ARAP1: variants seen among roughly 807,000 people sequenced by gnomAD.
ARAP1 encodes the protein ArfGAP with RhoGAP domain, ankyrin repeat and PH domain 1.
ARAP1 carries 76 observed loss-of-function variants against 172.2 expected under a neutral mutation model. That is an observed-to-expected ratio of 0.44 (90% CI 0.37 to 0.53). ARAP1 has a LOEUF of 0.53. Among genes scored for constraint, ARAP1 ranks in the 20% least tolerant of loss-of-function variants. The pLI is 0.00. For synonymous variants in ARAP1, 804 were observed against 803.3 expected, an observed-to-expected ratio of 1.00 and a Z score of -0.01; for missense variants, 1,686 against 1,977.5, an observed-to-expected ratio of 0.85 and a Z score of 2.80.
intron 34 of ARAP1, 140 bp from the exon 35 acceptor site, chr11:72,685,821 G>A (rs1253352841): frequency 1.5e-6 from 2 of 1,377,786 alleles, no homozygotes; most frequent in African/African-American, 2.9e-5. Flanking sequence ...CCAGCTCCCA[G>A]GGCCAGGCAG....
At chr11:72,701,575 C>A in intron 16 of ARAP1, 74 bp downstream of exon 16, 1 of 1,545,468 alleles carries the variant, frequency 6.5e-7, no homozygotes, top group Non-Finnish European at 8.7e-7. Context: ...CCAGTCTGGC[C>A]AGCCCTGGCT....
chr11:72,697,716 T>C (rs1221699987), intron 19 of ARAP1, 67 bp from the exon 20 acceptor site: 2 of 1,595,962 alleles, frequency 1.3e-6, no homozygotes, highest in African/African-American at 2.7e-5. Context: ...TCCCTCCCTC[T>C]GTGAGCACAC....
rs1855780268 is a variant in ARAP1 at position 72,688,351 on chromosome 11, T to C, written c.4070+104A>G. 4 of 1,013,056 alleles carry C rather than the reference T, an allele frequency of 3.9e-6. No homozygotes were observed. The Admixed American group carries it at 8.5e-5, about 21-fold the overall frequency. The allele number at this position is 1,013,056 out of a possible 1,614,324, so 62.8% of individuals were successfully genotyped here. On this transcript the variant is annotated intron_variant, in intron 31 of 34. Transcript: ENST00000393609. ...CTGGAGACCACACCATCAGAGCCCC[T>C]GCACCTATCTCTGTCAAATTAAAAA...
intron 2 of ARAP1, among the ~76,000 whole-genome samples, 185 bp from the exon 3 acceptor site, chr11:72,727,357 C>A (rs144326512): frequency 6.6e-6 from 1 of 152,188 alleles, no homozygotes. Context: ...CTCTTCTCTC[C>A]GCCTGAACCC....
At chr11:72,694,536 G>A (rs1856089984) in intron 27 of ARAP1, among the ~76,000 whole-genome samples, 1 of 152,062 alleles carries the variant, frequency 6.6e-6, no homozygotes, top group Non-Finnish European at 1.5e-5. Flanking sequence ...CTCCACAGCA[G>A]TTAATGCATC....
At chr11:72,688,874 T>G (rs1334579587) in intron 30 of ARAP1, 1 of 274,096 alleles carries the variant, frequency 3.6e-6, no homozygotes, top group Admixed American at 4.8e-5. Context: ...AGTATCACCC[T>G]GAATCAGATT....
At chr11:72,702,755 ACT>A (rs1362859136) in intron 15 of ARAP1, 148 bp downstream of exon 15, 2 of 947,352 alleles carry the variant, frequency 2.1e-6, no homozygotes, top group African/African-American at 3.3e-5. Context: ...ACAAATACAC[ACT>A]GACATGCAAA....
intron 27 of ARAP1, among the ~76,000 whole-genome samples, chr11:72,694,093 C>T (rs1163315357): frequency 1.4e-5 from 2 of 141,942 alleles, no homozygotes; most frequent in Non-Finnish European, 3.1e-5. Context: ...CAGGGAAACA[C>T]CACCACCACC....
At chr11:72,707,844 T>TG (rs1260696217) in intron 11 of ARAP1, among the ~76,000 whole-genome samples, 1 of 151,820 alleles carries the variant, frequency 6.6e-6, no homozygotes, top group Non-Finnish European at 1.5e-5. Flanking sequence ...CTGAGGACAA[T>TG]GGAGAACCCA....
At position 72,698,053 on chromosome 11, in the gene ARAP1, C is replaced by G. The variant is rs1466568492; in HGVS notation, c.2595G>C (p.Leu865=). 2.5e-6 allele frequency: 4 copies of G among 1,607,502 alleles called. No homozygotes were observed. In the South Asian group the frequency reaches 3.3e-5, roughly 13 times the overall value. The stretch of plus-strand genomic sequence containing the variant: ...GGCCAGCTTTGTAGGGTAGGCGTCC[C>G]AGCCGCTCAAAATCCCGGGCCAGCA... The part of the protein sequence containing the change: ...EDLLARDFER[L]GRLPYKAGLS... Residue 865 remains leucine (L), a synonymous_variant, in exon 19 of 35, where the codon CTG becomes CTC. Transcript: ENST00000393609.
chr11:72,744,370 G>A (rs1032034938), intron 1 of ARAP1, among the ~76,000 whole-genome samples: 9 of 152,134 alleles, frequency 5.9e-5, no homozygotes, highest in Admixed American at 3.3e-4. Flanking sequence ...CCAAAGTGTG[G>A]CCAGAACCCA....
rs1262317922 is a variant in ARAP1 at position 72,699,433 on chromosome 11, G to C, written c.2422C>G (p.Pro808Ala). 6.2e-7 allele frequency: 1 copy of C among 1,614,106 alleles called. No homozygotes were observed. Among genetic ancestry groups the C allele is most frequent in the East Asian group, 2.2e-5 (1 of 44,886 alleles). ...ASEIVCLAVP[P>A]PDTHGFEHTF... ...AGTACTCACCCATGGGTGTCAGGAG[G>C]GGGCACTGCCAGGCACACAATCTCG... Residue 808 changes from proline to alanine, a missense_variant, in exon 17 of 35, where the codon CCT (proline) becomes GCT (alanine). By Grantham distance (27) the Pro-to-Ala change is conservative (BLOSUM62 -1). Coordinates refer to ENST00000393609, the MANE Select transcript of ARAP1 (RefSeq NM_001040118.3). The surrounding 1 kb of genome is among the most constrained non-coding windows in gnomAD (Gnocchi z 4.2).
intron 1 of ARAP1, among the ~76,000 whole-genome samples, chr11:72,742,245 G>A (rs1858221256): frequency 6.6e-6 from 1 of 152,160 alleles, no homozygotes; most frequent in South Asian, 2.1e-4. Context: ...GGGAGCCCTG[G>A]AACTTGCTCA....
chr11:72,742,924 C>T (rs1245675032), intron 1 of ARAP1, among the ~76,000 whole-genome samples: 2 of 152,214 alleles, frequency 1.3e-5, no homozygotes, highest in Non-Finnish European at 2.9e-5. Context: ...TGTGTGCCCC[C>T]ACTCAACTGC....
chr11:72,715,517 T>C (rs1227586434), intron 3 of ARAP1, among the ~76,000 whole-genome samples: 1 of 151,710 alleles, frequency 6.6e-6, no homozygotes, highest in African/African-American at 2.4e-5. Flanking sequence ...CCTCCACCAG[T>C]AACACCCTTC....
rs763563434 is a variant in ARAP1 at position 72,697,357 on chromosome 11, G to A, written c.2919C>T (p.Ile973=). The A allele has an allele frequency of 1.2e-6, 2 of 1,602,384 alleles. No individual in the cohort carries two copies. The highest frequency in any genetic ancestry group is 2.2e-5 in the South Asian group (2 of 89,776). Residue 973 remains isoleucine (I), a synonymous_variant, in exon 21 of 35, where the codon ATC becomes ATT. Transcript: ENST00000393609. The part of the protein sequence containing the change: ...QQLGDSDIPV[I]VYRCVDYITQ... ...TGATGTAGTCCACACAGCGGTACAC[G>A]ATCACCGGGATATCCGAGTCCCCAA...
intron 1 of ARAP1, among the ~76,000 whole-genome samples, chr11:72,736,170 T>C (rs1356201967): frequency 1.3e-5 from 2 of 152,196 alleles, no homozygotes; most frequent in East Asian, 1.9e-4. Context: ...TTAAATGGCA[T>C]TAAATATTAT....
chr11:72,740,455 A>C (rs986095719), intron 1 of ARAP1, among the ~76,000 whole-genome samples: 1 of 152,210 alleles, frequency 6.6e-6, no homozygotes, highest in African/African-American at 2.4e-5. Flanking sequence ...TTTCACAATT[A>C]TCACTTTTAT....
chr11:72,687,521 A>G lies in ARAP1; in HGVS notation c.4122-19T>C. On this transcript the variant is annotated intron_variant, in intron 32 of 34. Transcript: ENST00000393609. ...GAGGTACCTGCAGGGTTGGACGCGG[A>G]CCCACATGATGCCAAAGGCCTGACT... 6.2e-7 allele frequency: 1 copy of G among 1,614,094 alleles called. No homozygotes were observed. The highest frequency in any genetic ancestry group is 8.5e-7 in the Non-Finnish European group (1 of 1,180,002).
Sources: gnomAD v4.1 joint callset for allele counts (sites outside exome capture counted in the v4.1 genomes callset) on GRCh38, gnomAD v4.1.1 for gene constraint, Gnocchi (gnomAD v3.1) non-coding constraint, MANE v1.5 for transcripts, NCBI Gene and HGNC (gene_info 2026-07-23, HGNC 2026-07-21) for gene names.